The following TSPAN13 variants were observed in gnomAD, a reference collection of about 807,000 sequenced individuals.
TSPAN13 encodes tetraspanin 13.
In TSPAN13, 18 loss-of-function variants were observed where a neutral mutation model predicts 26.9. That is an observed-to-expected ratio of 0.67 (90% CI 0.46 to 0.99). The LOEUF (loss-of-function observed/expected upper bound fraction) is 0.99, where lower values mean the gene tolerates loss of function less well. TSPAN13 is among the 50% of genes least tolerant of loss of function. TSPAN13 has a pLI of 0.00. For missense variants in TSPAN13, 201 were observed against 249.6 expected (o/e 0.81, Z 1.31); for synonymous variants, 116 against 98.4 (o/e 1.18, Z -1.06).
At chr7:16,777,389 C>A (rs748398392) in intron 3 of TSPAN13, among the ~76,000 whole-genome samples, 9 of 152,156 alleles carry the variant, frequency 5.9e-5, no homozygotes, top group Non-Finnish European at 1.3e-4. Context: ...TTCCCCCAAT[C>A]TTTTCCCACT....
intron 1 of TSPAN13, among the ~76,000 whole-genome samples, chr7:16,754,370 C>T (rs930444791): frequency 6.6e-6 from 1 of 152,240 alleles, no homozygotes; most frequent in African/African-American, 2.4e-5. Flanking sequence ...CCTTCTGCCG[C>T]TCGCTCCTGA....
At chr7:16,778,572 AC>A (rs1784780668) in intron 4 of TSPAN13, among the ~76,000 whole-genome samples, 1 of 151,946 alleles carries the variant, frequency 6.6e-6, no homozygotes, top group Non-Finnish European at 1.5e-5. Flanking sequence ...CTGTGGGACC[AC>A]CCCTGTTTTT....
At chr7:16,763,431 C>T (rs1784568327) in intron 1 of TSPAN13, among the ~76,000 whole-genome samples, 1 of 152,186 alleles carries the variant, frequency 6.6e-6, no homozygotes, top group South Asian at 2.1e-4. Flanking sequence ...ATAAGTGGGA[C>T]ATCCAGTAGT....
intron 1 of TSPAN13, among the ~76,000 whole-genome samples, chr7:16,764,953 G>T (rs4400279): frequency 6.6e-6 from 1 of 151,122 alleles, no homozygotes; most frequent in African/African-American, 2.4e-5. Context: ...TTGAGACAAG[G>T]TCTTGCTATG....
rs1218047355 is a variant in TSPAN13 at position 16,777,928 on chromosome 7, A to G, written c.426+17A>G. The G allele has an allele frequency of 1.3e-6, 2 of 1,574,216 alleles. No homozygotes were observed. The highest frequency in any genetic ancestry group is 3.5e-5 in the Admixed American group (2 of 56,944). Reference sequence around the variant, plus strand: ...TGTCTGGCTGTAAGTACATTGTATAATATATGTTTTTGGAAATGTATTACA... The same window carrying G: ...TGTCTGGCTGTAAGTACATTGTATAGTATATGTTTTTGGAAATGTATTACA... On this transcript the variant is annotated intron_variant, in intron 4 of 5. Coordinates refer to ENST00000262067, the MANE Select transcript of TSPAN13 (RefSeq NM_014399.4).
At chr7:16,754,338 T>A (rs1784457801) in intron 1 of TSPAN13, among the ~76,000 whole-genome samples, 1 of 152,136 alleles carries the variant, frequency 6.6e-6, no homozygotes, top group African/African-American at 2.4e-5. Context: ...CAACCGGACC[T>A]CTCCGCTTTC....
At chr7:16,760,297 GATGGAGGCTTGGATTAGT>G (rs1417837703) in intron 1 of TSPAN13, among the ~76,000 whole-genome samples, 1 of 152,158 alleles carries the variant, frequency 6.6e-6, no homozygotes, top group Non-Finnish European at 1.5e-5. Context: ...CACATGAGAT[GATGGAGGCTTGGATTAGT>G]ATGGTGGCAA....
chr7:16,759,333 A>G (rs954436274), intron 1 of TSPAN13, among the ~76,000 whole-genome samples: 7 of 152,154 alleles, frequency 4.6e-5, no homozygotes, highest in Non-Finnish European at 7.3e-5. Flanking sequence ...GAAGCTTACA[A>G]TCATGGCAGA....
chr7:16,768,615 T>C (rs1784636814), intron 1 of TSPAN13, among the ~76,000 whole-genome samples: 1 of 152,236 alleles, frequency 6.6e-6, no homozygotes, highest in Non-Finnish European at 1.5e-5. Flanking sequence ...AAAGAAATTT[T>C]TCCTTACCCA....
intron 2 of TSPAN13, 131 bp downstream of exon 2, chr7:16,776,509 A>G: frequency 1.2e-6 from 1 of 813,784 alleles, no homozygotes; most frequent in Non-Finnish European, 1.9e-6. Context: ...TTTGTTCAAG[A>G]ACTATTAGAA....
At chr7:16,756,780 A>T (rs1326984894) in intron 1 of TSPAN13, among the ~76,000 whole-genome samples, 1 of 152,176 alleles carries the variant, frequency 6.6e-6, no homozygotes, top group African/African-American at 2.4e-5. Context: ...TTCTAAGAGA[A>T]TGACTTGCCT....
At chr7:16,757,008 G>A (rs891752707) in intron 1 of TSPAN13, among the ~76,000 whole-genome samples, 1 of 152,162 alleles carries the variant, frequency 6.6e-6, no homozygotes, top group Non-Finnish European at 1.5e-5. Flanking sequence ...TGTCTACTGT[G>A]TGCACTCTTT....
chr7:16,779,106 G>C lies in TSPAN13; in HGVS notation c.530G>C (p.Ser177Thr), dbSNP rs1784786532. Residue 177 changes from serine to threonine, a missense_variant, in exon 5 of 6, where the codon AGT becomes ACT. By Grantham distance (58) the Ser-to-Thr change is moderately conservative. Coordinates refer to ENST00000262067, the MANE Select transcript of TSPAN13 (RefSeq NM_014399.4). The stretch of plus-strand genomic sequence containing the variant: ...GTTGGTGGCATTGGCCTGTTCTTCA[G>C]TTTTACAGAGGTATGTGCAAATAAC... ...RFVGGIGLFF[S>T]FTEILGVWLT... 1 of 1,611,820 alleles carries C rather than the reference G, an allele frequency of 6.2e-7. No individual in the cohort carries two copies. The highest frequency in any genetic ancestry group is 1.1e-5 in the South Asian group (1 of 90,710).
chr7:16,783,377 C>G, intron 5 of TSPAN13, 40 bp from the exon 6 acceptor site: 1 of 1,571,914 alleles, frequency 6.4e-7, no homozygotes, highest in Non-Finnish European at 8.7e-7. Context: ...ATAAATGTTA[C>G]TTTCTTTTTC....
At chr7:16,770,571 C>T (rs1453262771) in intron 1 of TSPAN13, among the ~76,000 whole-genome samples, 1 of 152,210 alleles carries the variant, frequency 6.6e-6, no homozygotes. Flanking sequence ...TTAGTTCTGT[C>T]ATCTCAAGTT....
intron 5 of TSPAN13, among the ~76,000 whole-genome samples, chr7:16,782,786 TACTTTG>T (rs1459826896): frequency 6.6e-6 from 1 of 152,254 alleles, no homozygotes; most frequent in East Asian, 1.9e-4. Flanking sequence ...CTATTTAGAC[TACTTTG>T]ACTTTGTATT....
intron 1 of TSPAN13, among the ~76,000 whole-genome samples, chr7:16,759,605 C>A (rs1784518846): frequency 6.6e-6 from 1 of 151,836 alleles, no homozygotes. Flanking sequence ...AGATGAAGAA[C>A]AGTTATCTAA....
chr7:16,770,066 C>T lies in TSPAN13; in HGVS notation c.64-6145C>T, dbSNP rs73071800. 9.9e-3 allele frequency among the ~76,000 whole-genome samples: 1,496 copies of T among 151,634 alleles called. 26 individuals carry two copies. The highest frequency in any genetic ancestry group is 0.034 in the African/African-American group (1,411 of 41,156). ...TGTATTCTTTCTATTGTAAGTTTCTCTTCTTTCTCCTACCATTGGGTTTGT... is the reference window on the plus strand; with the variant it reads ...TGTATTCTTTCTATTGTAAGTTTCTTTTCTTTCTCCTACCATTGGGTTTGT... On this transcript the variant is annotated intron_variant, in intron 1 of 5. Coordinates refer to ENST00000262067, the MANE Select transcript of TSPAN13 (RefSeq NM_014399.4).
At chr7:16,782,001 G>T (rs963655306) in intron 5 of TSPAN13, among the ~76,000 whole-genome samples, 3 of 152,150 alleles carry the variant, frequency 2.0e-5, no homozygotes, top group African/African-American at 7.2e-5. Flanking sequence ...CTGAGGACCT[G>T]TGTGATTATT....
Sources: allele counts gnomAD v4.1 joint callset (sites outside exome capture counted in the v4.1 genomes callset), GRCh38; gene constraint gnomAD v4.1.1; transcripts MANE v1.5; gene names NCBI Gene and HGNC (gene_info 2026-07-23, HGNC 2026-07-21).